The following SLC44A1 variants were observed in gnomAD, a reference collection of about 807,000 sequenced individuals.
The protein encoded by SLC44A1 is choline transporter-like protein 1.
In SLC44A1, 26 loss-of-function variants were observed where a neutral mutation model predicts 79.3. The ratio of observed to expected loss-of-function variants is 0.33; its 90% CI spans 0.24 to 0.46. SLC44A1 has a LOEUF of 0.46. Ranked by LOEUF, SLC44A1 falls within the 20% of genes least tolerant of loss-of-function variation. SLC44A1 has a pLI of 1.00. For missense variants in SLC44A1, 688 were observed against 798.1 expected, an observed-to-expected ratio of 0.86 and a Z score of 1.66; for synonymous variants, 263 against 286.2, an observed-to-expected ratio of 0.92 and a Z score of 0.82.
At chr9:105,295,339 C>A (rs1057382435) in intron 1 of SLC44A1, among the ~76,000 whole-genome samples, 1 of 152,178 alleles carries the variant, frequency 6.6e-6, no homozygotes, top group Non-Finnish European at 1.5e-5. Context: ...CCGCAAGATC[C>A]TGTGAAGGGG....
At chr9:105,411,063 G>A (rs961521155) in intron 15 of SLC44A1, among the ~76,000 whole-genome samples, 32 of 152,106 alleles carry the variant, frequency 2.1e-4, no homozygotes, top group Admixed American at 8.5e-4. Flanking sequence ...TTGGAAATAC[G>A]GTTTCCTTTT....
rs1828704405 is a variant in SLC44A1, at chr9:105,389,257, C to T, written c.*201C>T. On this transcript the variant is annotated 3_prime_UTR_variant, in exon 16 of 16. Transcript: ENST00000374720. ...ATACCTTTTTTATGCTTATTTTTGT[C>T]AAACATGTACTCCTTTCATACGGGT... The T allele has an allele frequency of 8.0e-7, 1 of 1,255,996 alleles. No homozygotes were observed. 77.8% of individuals were successfully genotyped at this position (1,255,996 alleles called of 1,614,324 possible).
At chr9:105,385,763 G>GT (rs1332074674) in intron 15 of SLC44A1, 19 of 985,250 alleles carry the variant, frequency 1.9e-5, no homozygotes, top group Admixed American at 6.2e-5. Flanking sequence ...GGGGATGATG[G>GT]TTTTTTCCCT....
At position 105,395,456 on chromosome 9, in the gene SLC44A1, T is replaced by G. The variant is rs1828857245; in HGVS notation, c.*6400T>G. ...CCAATCTCGAACTCCTGACCTCAGG[T>G]GATCCACCCGCCTCAGCCTCCCAAA... On this transcript the variant is annotated 3_prime_UTR_variant, in exon 16 of 16. Coordinates refer to ENST00000374720, the MANE Select transcript of SLC44A1 (RefSeq NM_080546.5). 1 of 724,354 alleles carries G rather than the reference T, an allele frequency of 1.4e-6. No individual in the cohort carries two copies. Among genetic ancestry groups the G allele is most frequent in the Non-Finnish European group, 1.7e-6 (1 of 591,554 alleles). 44.9% of individuals were successfully genotyped at this position (724,354 alleles called of 1,614,324 possible). A position where few individuals can be genotyped will look rare whatever the true frequency, so the allele number is the denominator to read the frequency against.
At chr9:105,304,718 T>G (rs931765805) in intron 2 of SLC44A1, among the ~76,000 whole-genome samples, 2 of 152,094 alleles carry the variant, frequency 1.3e-5, no homozygotes, top group Admixed American at 1.3e-4. Context: ...TACTTGCTCA[T>G]GATGGTAAGG....
At chr9:105,337,691 T>C (rs1463977761) in intron 4 of SLC44A1, among the ~76,000 whole-genome samples, 1 of 152,160 alleles carries the variant, frequency 6.6e-6, no homozygotes, top group Non-Finnish European at 1.5e-5. Flanking sequence ...CAATATATCT[T>C]CTCAAAAAAC....
At chr9:105,249,375 A>G (rs935810097) in intron 1 of SLC44A1, among the ~76,000 whole-genome samples, 3 of 152,250 alleles carry the variant, frequency 2.0e-5, no homozygotes, top group Non-Finnish European at 2.9e-5. Flanking sequence ...CCTGCAAAGT[A>G]AACTTCATCT....
chr9:105,395,740 G>A lies in SLC44A1; in HGVS notation c.*6684G>A. On this transcript the variant is annotated 3_prime_UTR_variant, in exon 16 of 16. Coordinates refer to ENST00000374720, the MANE Select transcript of SLC44A1 (RefSeq NM_080546.5). ...GATTATAATTTGAACTGTCGTTTCA[G>A]GAGCATGTGTTAAATCATATGAGTA... 1.0e-6 allele frequency: 1 copy of A among 985,084 alleles called. No individual in the cohort carries two copies. The highest frequency in any genetic ancestry group is 1.2e-6 in the Non-Finnish European group (1 of 829,702). 61.0% of individuals were successfully genotyped at this position (985,084 alleles called of 1,614,324 possible).
chr9:105,357,944 C>A (rs1333102224), intron 6 of SLC44A1, among the ~76,000 whole-genome samples: 3 of 152,222 alleles, frequency 2.0e-5, no homozygotes, highest in Admixed American at 1.3e-4. Flanking sequence ...CCTAATTTAA[C>A]TGATCTCTGT....
chr9:105,419,011 G>A (rs551535527), intron 15 of SLC44A1, among the ~76,000 whole-genome samples: 123 of 152,262 alleles, frequency 8.1e-4, no homozygotes, highest in Non-Finnish European at 1.5e-3. Flanking sequence ...GAAATGCCAA[G>A]ATGTTGGCAG....
At position 105,335,595 on chromosome 9, in the gene SLC44A1, A is replaced by G; in HGVS notation, c.302A>G (p.Asp101Gly). 1 of 1,613,418 alleles carries G rather than the reference A, an allele frequency of 6.2e-7. No individual in the cohort carries two copies. Among genetic ancestry groups the G allele is most frequent in the Non-Finnish European group, 8.5e-7 (1 of 1,179,526 alleles). ...TTCTTTTTGGATCCATGCAACCTGG[A>G]CTTGATAAACCGGAAGATTAAGTCT... ...YVFFLDPCNL[D>G]LINRKIKSVA... Residue 101 changes from aspartate (D) to glycine (G), a missense_variant, in exon 4 of 16, where the codon GAC (aspartate) becomes GGC (glycine). Asp to Gly is a moderately conservative substitution (Grantham distance 94). Transcript: ENST00000374720.
chr9:105,387,552 G>A (rs1022991080), intron 15 of SLC44A1, among the ~76,000 whole-genome samples: 31 of 152,172 alleles, frequency 2.0e-4, no homozygotes, highest in African/African-American at 7.5e-4. Context: ...CTGCTTGGAG[G>A]TCCTAATTGT....
chr9:105,255,119 T>G (rs1203202160), intron 1 of SLC44A1, among the ~76,000 whole-genome samples: 1 of 149,152 alleles, frequency 6.7e-6, no homozygotes, highest in Non-Finnish European at 1.5e-5. Context: ...TTTTTTTTAA[T>G]AATTAAACTG....
intron 15 of SLC44A1, among the ~76,000 whole-genome samples, chr9:105,403,374 GA>G (rs1828983084): frequency 6.6e-6 from 1 of 151,998 alleles, no homozygotes; most frequent in South Asian, 2.1e-4. Flanking sequence ...GGGATTTGGG[GA>G]TGCTAAGCTG....
chr9:105,289,027 A>G (rs1412700712), intron 1 of SLC44A1, among the ~76,000 whole-genome samples: 1 of 152,254 alleles, frequency 6.6e-6, no homozygotes, highest in African/African-American at 2.4e-5. Context: ...ATCTTTGGGA[A>G]ATGCCAGCCA....
At chr9:105,398,277 G>A (rs960427762), downstream of SLC44A1, among the ~76,000 whole-genome samples, 2 of 152,184 alleles carry the variant, frequency 1.3e-5, no homozygotes, top group African/African-American at 4.8e-5. Context: ...GATTTTTCTT[G>A]AGAGGCTGCA....
intron 1 of SLC44A1, among the ~76,000 whole-genome samples, chr9:105,250,568 T>G (rs1314549100): frequency 6.6e-6 from 1 of 152,226 alleles, no homozygotes; most frequent in Non-Finnish European, 1.5e-5. Context: ...ATATATGAGA[T>G]AAACCTACTA....
intron 3 of SLC44A1, among the ~76,000 whole-genome samples, chr9:105,319,155 C>T (rs1234408397): frequency 2.0e-5 from 3 of 152,134 alleles, no homozygotes; most frequent in Admixed American, 6.5e-5. Context: ...TTAGAGGGCA[C>T]ACAGTCCACA....
intron 4 of SLC44A1, among the ~76,000 whole-genome samples, chr9:105,344,275 T>G (rs558591299): frequency 6.6e-6 from 1 of 152,268 alleles, no homozygotes; most frequent in East Asian, 1.9e-4. Context: ...GCATAGAAAC[T>G]CTTTGTTTTG....
Sources: allele counts gnomAD v4.1 joint callset (sites outside exome capture counted in the v4.1 genomes callset), GRCh38; gene constraint gnomAD v4.1.1; transcripts MANE v1.5; gene names NCBI Gene and HGNC (gene_info 2026-07-23, HGNC 2026-07-21).